MGAM2: variants seen among roughly 807,000 people sequenced by gnomAD.
The protein encoded by MGAM2 is maltase-glucoamylase 2 (putative), also known as probable maltase-glucoamylase 2.
Under a neutral mutation model 96.1 loss-of-function variants are expected in MGAM2, and 98 were observed. The ratio of observed to expected loss-of-function variants is 1.02; its 90% CI spans 0.87 to 1.21. MGAM2 has a LOEUF of 1.21. Among genes scored for constraint, MGAM2 ranks in the 50% most tolerant of loss-of-function variants. The pLI is 0.00. For missense variants in MGAM2, 2,055 were observed against 1,182.4 expected (o/e 1.74, Z -10.82); for synonymous variants, 749 against 414.8 (o/e 1.81, Z -9.79).
intron 33 of MGAM2, 38 bp downstream of exon 33, chr7:142,183,411 T>A: frequency 1.4e-6 from 1 of 695,382 alleles, no homozygotes; most frequent in Non-Finnish European, 2.6e-6. Context: ...TAATTAACAT[T>A]ACAATGTCTT....
Position 142,154,080 on chromosome 7 carries a change from G to A in MGAM2, c.1697G>A (p.Gly566Glu). The change falls in exon 16 of 48, where the codon GGA becomes GAA. Residue 566 changes from glycine (G) to glutamate (E), a missense_variant. Physicochemically the swap from Gly to Glu is moderately conservative, Grantham distance 98. Coordinates refer to ENST00000477922, the MANE Select transcript of MGAM2 (RefSeq NM_001293626.2). ...ATCTTATCCCGTTCTACTTTTGCTG[G>A]ATCTGGCAAATTTGCTGCTCATTGG... ...SFILSRSTFA[G>E]SGKFAAHWLG... The A allele has an allele frequency of 2.9e-6, 2 of 696,210 alleles. No individual in the cohort carries two copies. Among genetic ancestry groups the A allele is most frequent in the Non-Finnish European group, 5.3e-6 (2 of 380,198 alleles). 43.1% of individuals were successfully genotyped at this position (696,210 alleles called of 1,614,324 possible).
chr7:142,194,454 A>G lies in MGAM2; in HGVS notation c.4347-1700A>G, dbSNP rs149738357. 5.9e-5 allele frequency among the ~76,000 whole-genome samples: 9 copies of G among 152,238 alleles called. No homozygotes were observed. The East Asian group carries it at 1.7e-3, about 29-fold the overall frequency. On this transcript the variant is annotated intron_variant, in intron 37 of 47. Coordinates refer to ENST00000477922, the MANE Select transcript of MGAM2 (RefSeq NM_001293626.2). ...AGTTCTTTGCATCAGTCACTACTCT[A>G]TCTTCCTGCCTTATTCCAGGCCTTC...
rs1203881382 is a variant in MGAM2 at position 142,171,286 on chromosome 7, T to C, written c.3197T>C (p.Leu1066Pro). 2 of 702,598 alleles carry C rather than the reference T, an allele frequency of 2.8e-6. No homozygotes were observed. The highest frequency in any genetic ancestry group is 4.0e-5 in the Admixed American group (2 of 49,982). The allele number at this position is 702,598 out of a possible 1,614,324, so 43.5% of individuals were successfully genotyped here. Residue 1066 changes from leucine to proline, a missense_variant, in exon 28 of 48, where the codon CTC (leucine) becomes CCC (proline). By Grantham distance (98) the Leu-to-Pro change is moderately conservative. Transcript: ENST00000477922. ...NSSTVIWDSQ[L>P]PGFIFNDMFL... ...TTGTGTTGCAGTTGGGATTCTCAAC[T>C]CCCTGGCTTCATCTTCAATGACATG...
chr7:142,166,369 G>T (rs1214172611), intron 25 of MGAM2, 116 bp downstream of exon 25: 1 of 563,388 alleles, frequency 1.8e-6, no homozygotes, highest in Non-Finnish European at 3.1e-6. Flanking sequence ...CACGCCTTTT[G>T]CCAACTCTAC....
intron 17 of MGAM2, 59 bp from the exon 18 acceptor site, chr7:142,157,878 G>C (rs1034918891): frequency 5.9e-6 from 4 of 681,760 alleles, no homozygotes; most frequent in Non-Finnish European, 1.1e-5. Flanking sequence ...CTTATTGTAA[G>C]AGAACTTCTG....
chr7:142,125,325 T>C (rs996721275), intron 3 of MGAM2, among the ~76,000 whole-genome samples: 3 of 152,168 alleles, frequency 2.0e-5, no homozygotes, highest in African/African-American at 7.2e-5. Flanking sequence ...ATTTGGGGTC[T>C]GGGATATTGG....
chr7:142,164,909 C>T lies in MGAM2; in HGVS notation c.2538C>T (p.Leu846=). ...ATAATTATATGGACACTGACAACCT[C>T]ATGTTCACAGATATCACAATCTTGG... is the stretch of plus-strand genomic sequence containing the variant. The part of the protein sequence containing the change: ...INNNYMDTDN[L]MFTDITILGM... Residue 846 remains leucine, a synonymous_variant, in exon 24 of 48, where the codon CTC becomes CTT. Coordinates refer to ENST00000477922, the MANE Select transcript of MGAM2 (RefSeq NM_001293626.2). 1 of 702,748 alleles carries T rather than the reference C, an allele frequency of 1.4e-6. No individual in the cohort carries two copies. Among genetic ancestry groups the T allele is most frequent in the Non-Finnish European group, 2.6e-6 (1 of 384,878 alleles). The allele number at this position is 702,748 out of a possible 1,614,324, so 43.5% of individuals were successfully genotyped here.
At position 142,175,794 on chromosome 7, in the gene MGAM2, C is replaced by A. The variant is rs6958066; in HGVS notation, c.3816+14C>A. The A allele has an allele frequency of 0.22, 150,906 of 700,448 alleles. 17,783 individuals carry two copies. Among genetic ancestry groups the A allele is most frequent in the East Asian group, 0.35 (12,857 of 37,220 alleles). 43.4% of individuals were successfully genotyped at this position (700,448 alleles called of 1,614,324 possible). The stretch of plus-strand genomic sequence containing the variant: ...ATTCTCATTTTGGTATGTATTGAGA[C>A]AGATCAGATCCTACTTTCTGTTTCC... On this transcript the variant is annotated intron_variant, in intron 32 of 47. Coordinates refer to ENST00000477922, the MANE Select transcript of MGAM2 (RefSeq NM_001293626.2).
intron 46 of MGAM2, among the ~76,000 whole-genome samples, chr7:142,213,538 T>TAAAC (rs1797659392): frequency 6.6e-6 from 1 of 151,840 alleles, no homozygotes; most frequent in Admixed American, 6.6e-5. Flanking sequence ...GAGAATACTA[T>TAAAC]AAACACCTCT....
intron 37 of MGAM2, among the ~76,000 whole-genome samples, chr7:142,190,354 CT>C (rs1024464239): frequency 2.0e-5 from 3 of 150,072 alleles, no homozygotes; most frequent in African/African-American, 4.9e-5. Context: ...TCACTGCAAC[CT>C]CCTCCTCCTG....
At chr7:142,185,228 C>A in intron 34 of MGAM2, 89 bp downstream of exon 34, 1 of 660,076 alleles carries the variant, frequency 1.5e-6, no homozygotes, top group South Asian at 1.7e-5. Context: ...GCTAACCCTT[C>A]AGTTAAGTAG....
intron 32 of MGAM2, among the ~76,000 whole-genome samples, chr7:142,181,609 C>T (rs546408249): frequency 3.9e-5 from 6 of 152,150 alleles, no homozygotes; most frequent in African/African-American, 9.7e-5. Context: ...GCCCCAAGGG[C>T]GTCCCTGACA....
chr7:142,178,810 A>G (rs1044821998), intron 32 of MGAM2, among the ~76,000 whole-genome samples: 1 of 152,162 alleles, frequency 6.6e-6, no homozygotes, highest in African/African-American at 2.4e-5. Flanking sequence ...GAAAAATGAC[A>G]TTTGTAGTTT....
At position 142,120,338 on chromosome 7, in the gene MGAM2, A is replaced by T. The variant is rs1407208141; in HGVS notation, c.143A>T (p.Gln48Leu). The change falls in exon 3 of 48, where the codon CAG (glutamine) becomes CTG (leucine). Residue 48 changes from glutamine to leucine, a missense_variant. Gln to Leu is a moderately radical substitution (Grantham distance 113). Transcript: ENST00000477922. The part of the protein sequence containing the change: ...SFTPECPEIP[Q>L]SERIDCTPDQ... ...ACTCCAGAGTGCCCAGAGATTCCCC[A>T]GTCGGAAAGGATAGACTGCACACCT... 1.4e-6 allele frequency: 1 copy of T among 703,238 alleles called. No homozygotes were observed. The highest frequency in any genetic ancestry group is 2.7e-5 in the East Asian group (1 of 37,272). The allele number at this position is 703,238 out of a possible 1,614,324, so 43.6% of individuals were successfully genotyped here.
At chr7:142,186,500 T>C (rs1422480322) in intron 35 of MGAM2, among the ~76,000 whole-genome samples, 1 of 151,854 alleles carries the variant, frequency 6.6e-6, no homozygotes, top group African/African-American at 2.4e-5. Flanking sequence ...AGGCATGGAG[T>C]TGAGAGCAAG....
intron 22 of MGAM2, 89 bp from the exon 23 acceptor site, chr7:142,161,866 A>G (rs1339187575): frequency 1.8e-6 from 1 of 566,310 alleles, no homozygotes; most frequent in African/African-American, 1.9e-5. Context: ...GATGGTTGGT[A>G]AAGGAATTCC....
chr7:142,208,350 C>A, intron 45 of MGAM2: 4 of 641,824 alleles, frequency 6.2e-6, no homozygotes, highest in Non-Finnish European at 1.2e-5. Flanking sequence ...GCATTTGTAA[C>A]CTTCTGACCT....
intron 14 of MGAM2, among the ~76,000 whole-genome samples, chr7:142,146,759 G>A (rs1329129060): frequency 2.0e-5 from 3 of 149,286 alleles, no homozygotes; most frequent in East Asian, 2.0e-4. Context: ...ATGTAGTCTC[G>A]CTCTGTCACC....
intron 15 of MGAM2, among the ~76,000 whole-genome samples, chr7:142,151,679 C>T (rs1311656459): frequency 1.3e-5 from 2 of 151,958 alleles, no homozygotes; most frequent in African/African-American, 2.4e-5. Context: ...CTTTTTTGCC[C>T]GTGACTCCAT....
Sources: gnomAD v4.1 joint callset for allele counts (sites outside exome capture counted in the v4.1 genomes callset) on GRCh38, gnomAD v4.1.1 for gene constraint, MANE v1.5 for transcripts, NCBI Gene and HGNC (gene_info 2026-07-23, HGNC 2026-07-21) for gene names.